The following HUNK variants were observed in gnomAD, a reference collection of about 807,000 sequenced individuals.
HUNK encodes hormonally up-regulated Neu-associated kinase.
In HUNK, 21 loss-of-function variants were observed where a neutral mutation model predicts 61.0. The ratio of observed to expected loss-of-function variants is 0.34; its 90% CI spans 0.24 to 0.50. The LOEUF (loss-of-function observed/expected upper bound fraction) is 0.50, where lower values mean the gene tolerates loss of function less well. Among genes scored for constraint, HUNK ranks in the 20% least tolerant of loss-of-function variants. The probability of loss-of-function intolerance (pLI) is 0.98; values close to 1 mark genes in which losing one functional copy is unlikely to be tolerated. For missense variants in HUNK, 772 were observed against 945.7 expected (o/e 0.82, Z 2.41); for synonymous variants, 371 against 386.1 (o/e 0.96, Z 0.46).
chr21:31,951,976 G>C (rs917269513), intron 4 of HUNK, among the ~76,000 whole-genome samples: 1 of 152,136 alleles, frequency 6.6e-6, no homozygotes, highest in Non-Finnish European at 1.5e-5. Context: ...TGACTTTTGA[G>C]AGAGAGGTTT....
intron 1 of HUNK, among the ~76,000 whole-genome samples, chr21:31,898,453 G>A (rs1335727481): frequency 6.6e-6 from 1 of 152,096 alleles, no homozygotes; most frequent in African/African-American, 2.4e-5. Flanking sequence ...TTTTAGTAGA[G>A]ACAGGGTTTC....
intron 5 of HUNK, among the ~76,000 whole-genome samples, chr21:31,965,742 C>T (rs1011744271): frequency 7.2e-5 from 11 of 151,982 alleles, no homozygotes; most frequent in Non-Finnish European, 1.5e-4. Context: ...GCTGGGATTA[C>T]AGGCATGCAC....
In HUNK at chr21:31,958,900, C is replaced by T. The variant is rs2052908346; in HGVS notation, c.804C>T (p.Phe268=). 5 of 1,611,188 alleles carry T rather than the reference C, an allele frequency of 3.1e-6. 1 individual carries two copies. The Admixed American group carries it at 5.0e-5, about 16-fold the overall frequency. The change falls in exon 5 of 11, where the codon TTC becomes TTT. Residue 268 remains phenylalanine (F), a synonymous_variant. Coordinates refer to ENST00000270112, the MANE Select transcript of HUNK (RefSeq NM_014586.2). ...TGTLPFTVEP[F]SLRALYQKMV... ...CGCTGCCTTTCACGGTGGAGCCTTT[C>T]AGCCTGAGGGCTTTGTACCAGAAGA...
intron 1 of HUNK, among the ~76,000 whole-genome samples, chr21:31,879,303 C>G (rs919089979): frequency 6.6e-6 from 1 of 152,152 alleles, no homozygotes; most frequent in African/African-American, 2.4e-5. Context: ...GACTTCTTGG[C>G]AAGAAGGAGG....
intron 2 of HUNK, among the ~76,000 whole-genome samples, chr21:31,927,947 T>C (rs1161971425): frequency 6.6e-6 from 1 of 152,224 alleles, no homozygotes; most frequent in Non-Finnish European, 1.5e-5. Context: ...TCATTAGAAC[T>C]CTTTGGGCTT....
chr21:31,997,909 AT>A (rs1402806414), intron 10 of HUNK, among the ~76,000 whole-genome samples: 4 of 150,928 alleles, frequency 2.7e-5, no homozygotes, highest in Admixed American at 6.6e-5. Context: ...AAGGTCCAGA[AT>A]TTTTTTTTCT....
intron 8 of HUNK, among the ~76,000 whole-genome samples, chr21:31,985,179 A>G (rs1568941594): frequency 3.3e-5 from 5 of 152,134 alleles, no homozygotes; most frequent in Admixed American, 3.3e-4. Context: ...AAATCAAGTC[A>G]CCCACCCAGA....
In HUNK at chr21:31,998,532, T is replaced by C. The variant is rs2053221417; in HGVS notation, c.1493T>C (p.Phe498Ser). Residue 498 changes from phenylalanine to serine, a missense_variant, in exon 11 of 11, where the codon TTT (phenylalanine) becomes TCT (serine). By Grantham distance (155) the Phe-to-Ser change is radical (BLOSUM62 -2). Coordinates refer to ENST00000270112, the MANE Select transcript of HUNK (RefSeq NM_014586.2). ...SKSSFPDKDS[F>S]GCRNIFRKTS... ...ATGCTTTCTTGGTGTGCAGATTCCT[T>C]TGGCTGCCGCAATATTTTCCGCAAA... 3 of 1,584,504 alleles carry C rather than the reference T, an allele frequency of 1.9e-6. No homozygotes were observed. Among genetic ancestry groups the C allele is most frequent in the Non-Finnish European group, 2.6e-6 (3 of 1,165,996 alleles).
chr21:31,985,635 C>G (rs1000355036), intron 8 of HUNK, among the ~76,000 whole-genome samples: 2 of 152,160 alleles, frequency 1.3e-5, no homozygotes, highest in African/African-American at 4.8e-5. Flanking sequence ...GGGGGCGGGG[C>G]AGCCAGAAGG....
At chr21:31,935,451 T>C (rs1189602051) in intron 2 of HUNK, among the ~76,000 whole-genome samples, 2 of 152,238 alleles carry the variant, frequency 1.3e-5, no homozygotes, top group Non-Finnish European at 2.9e-5. Flanking sequence ...GTTCACTCTG[T>C]GATGTCCAGT....
At chr21:31,965,353 C>T (rs11701343) in intron 5 of HUNK, among the ~76,000 whole-genome samples, 6,571 of 151,358 alleles carry the variant, frequency 0.043, 185 homozygotes, top group Non-Finnish European at 0.065. Context: ...CTATTGGGTA[C>T]CAGGATTAGT....
intron 1 of HUNK, among the ~76,000 whole-genome samples, chr21:31,902,575 G>A (rs140649402): frequency 1.7e-4 from 26 of 152,234 alleles, no homozygotes; most frequent in African/African-American, 4.3e-4. Flanking sequence ...ATAGTGTTTC[G>A]TAGGGTCTTG....
intron 8 of HUNK, among the ~76,000 whole-genome samples, chr21:31,989,488 T>C (rs1219605220): frequency 2.6e-5 from 4 of 151,906 alleles, no homozygotes; most frequent in Non-Finnish European, 4.4e-5. Context: ...CCAAGATGGG[T>C]GGATCACTTG....
Position 31,968,247 on chromosome 21 carries a change from C to T in HUNK, c.875-3C>T. The T allele has an allele frequency of 1.2e-6, 2 of 1,614,198 alleles. No individual in the cohort carries two copies. The highest frequency in any genetic ancestry group is 1.7e-6 in the Non-Finnish European group (2 of 1,180,024). On this transcript the variant is annotated splice_region_variant and splice_polypyrimidine_tract_variant and intron_variant, in intron 5 of 10. Transcript: ENST00000270112. ...CGTGCATTCTTTCCCAAATGTCTCCCAGGTGCCATCAGTTTCCTGCGCTCT... is the reference window on the plus strand; with the variant it reads ...CGTGCATTCTTTCCCAAATGTCTCCTAGGTGCCATCAGTTTCCTGCGCTCT...
chr21:31,886,267 C>T (rs2052344938), intron 1 of HUNK, among the ~76,000 whole-genome samples: 1 of 151,960 alleles, frequency 6.6e-6, no homozygotes, highest in African/African-American at 2.4e-5. Context: ...ATGAAAAATA[C>T]AAAAATTATC....
rs529372687 is a variant in HUNK at position 31,883,723 on chromosome 21, G to T, written c.261+9788G>T. 1.2e-4 allele frequency among the ~76,000 whole-genome samples: 18 copies of T among 152,210 alleles called. No individual in the cohort carries two copies. The South Asian group carries it at 3.7e-3, about 32-fold the overall frequency. ...ATGTAAACATATTTCTGAGGAGAGGGTCCATGGGTTTCGTCATACTCTAAA... is the reference window on the plus strand; with the variant it reads ...ATGTAAACATATTTCTGAGGAGAGGTTCCATGGGTTTCGTCATACTCTAAA... On this transcript the variant is annotated intron_variant, in intron 1 of 10. Coordinates refer to ENST00000270112, the MANE Select transcript of HUNK (RefSeq NM_014586.2).
chr21:31,995,183 CTTCATACACACG>C (rs944128369), intron 9 of HUNK, among the ~76,000 whole-genome samples: 16 of 136,512 alleles, frequency 1.2e-4, no homozygotes, highest in East Asian at 8.6e-4. Flanking sequence ...AAAAAAAAAG[CTTCATACACACG>C]TTCATACACA....
chr21:31,949,046 C>T (rs1307767110), intron 4 of HUNK, among the ~76,000 whole-genome samples: 1 of 152,254 alleles, frequency 6.6e-6, no homozygotes, highest in Non-Finnish European at 1.5e-5. Flanking sequence ...TGAGACACAT[C>T]TCTTGCCCCC....
intron 1 of HUNK, among the ~76,000 whole-genome samples, chr21:31,878,092 C>G (rs931914857): frequency 8.6e-5 from 13 of 151,256 alleles, no homozygotes; most frequent in Non-Finnish European, 1.5e-4. Flanking sequence ...AACCCTGTCT[C>G]TAATAAAAAT....
Sources: allele counts gnomAD v4.1 joint callset (sites outside exome capture counted in the v4.1 genomes callset), GRCh38; gene constraint gnomAD v4.1.1; transcripts MANE v1.5; gene names NCBI Gene and HGNC (gene_info 2026-07-23, HGNC 2026-07-21).